The following LTBP2 variants were observed in gnomAD, a reference collection of about 807,000 sequenced individuals.
LTBP2 encodes latent-transforming growth factor beta-binding protein 2.
A neutral mutation model predicts 210.6 loss-of-function variants in LTBP2; 103 were observed. The observed-to-expected ratio is 0.49, with a 90% confidence interval of 0.42 to 0.58. The LOEUF (loss-of-function observed/expected upper bound fraction) is 0.58, where lower values mean the gene tolerates loss of function less well. Ranked by LOEUF, LTBP2 falls within the 20% of genes least tolerant of loss-of-function variation. LTBP2 has a pLI of 0.00. For synonymous variants in LTBP2, 1,007 were observed against 1,015.0 expected (o/e 0.99, Z 0.15); for missense variants, 2,313 against 2,494.5 (o/e 0.93, Z 1.55).
At chr14:74,535,846 A>G in intron 9 of LTBP2, 80 bp downstream of exon 9, 1 of 1,287,170 alleles carries the variant, frequency 7.8e-7, no homozygotes, top group Non-Finnish European at 1.1e-6. Flanking sequence ...CCACTCGGCC[A>G]GTGACAGACA....
chr14:74,507,153 CCTCT>C, intron 26 of LTBP2, 22 bp downstream of exon 26: 1 of 1,614,028 alleles, frequency 6.2e-7, no homozygotes, highest in Non-Finnish European at 8.5e-7. Flanking sequence ...AGCCCTCTCT[CCTCT>C]CTCTCCTCCC....
chr14:74,532,357 C>T, intron 10 of LTBP2, 69 bp downstream of exon 10: 1 of 1,602,188 alleles, frequency 6.2e-7, no homozygotes, highest in Admixed American at 1.7e-5. Flanking sequence ...CTGGGCCTGG[C>T]CTGTGGACCT....
rs2139741595 is a variant in LTBP2 at position 74,547,468 on chromosome 14, G to A, written c.1789+2395C>T. 1.3e-5 allele frequency among the ~76,000 whole-genome samples: 2 copies of A among 152,270 alleles called. 1 individual carries two copies. Among genetic ancestry groups the A allele is most frequent in the South Asian group, 4.2e-4 (2 of 4,814 alleles). ...AGCGGGATTCTGAGAAGGCCCTTCT[G>A]GAAGCCTGTTTCTCAGCTGCACCAC... On this transcript the variant is annotated intron_variant, in intron 8 of 35. Coordinates refer to ENST00000261978, the MANE Select transcript of LTBP2 (RefSeq NM_000428.3).
In LTBP2 at chr14:74,500,154, G is replaced by C. The variant is rs1462276779; in HGVS notation, c.*730C>G. 1 of 234,562 alleles carries C rather than the reference G, an allele frequency of 4.3e-6. No homozygotes were observed. The highest frequency in any genetic ancestry group is 2.2e-5 in the African/African-American group (1 of 45,310). 14.5% of individuals were successfully genotyped at this position (234,562 alleles called of 1,614,324 possible). The stretch of plus-strand genomic sequence containing the variant: ...ATTTTCTTTAGACGTATAAAGCCTT[G>C]GCTCCCCTTTCTCATCAACTCCACG... On this transcript the variant is annotated 3_prime_UTR_variant, in exon 36 of 36. Coordinates refer to ENST00000261978, the MANE Select transcript of LTBP2 (RefSeq NM_000428.3).
chr14:74,510,177 T>C lies in LTBP2; in HGVS notation c.3065A>G (p.His1022Arg). The C allele has an allele frequency of 6.2e-7, 1 of 1,614,030 alleles. No homozygotes were observed. The highest frequency in any genetic ancestry group is 8.5e-7 in the Non-Finnish European group (1 of 1,180,022). Residue 1022 changes from histidine (H) to arginine (R), a missense_variant, in exon 20 of 36, where the codon CAT becomes CGT. Physicochemically the swap from His to Arg is conservative, Grantham distance 29. This residue lies in a region of LTBP2 where 1,867 missense variants were observed against 1,976.9 expected (regional missense o/e 0.94). Transcript: ENST00000261978. ...NECLTPGVCAHGKCTNLEGSF... is the reference protein window; with the variant it reads ...NECLTPGVCARGKCTNLEGSF... ...GCCTTCTAGGTTGGTGCACTTTCCATGGGCACAGACCCCGGGAGTCAGACA... is the reference window on the plus strand; with the variant it reads ...GCCTTCTAGGTTGGTGCACTTTCCACGGGCACAGACCCCGGGAGTCAGACA...
chr14:74,571,604 T>C (rs2087979546), intron 3 of LTBP2, among the ~76,000 whole-genome samples: 1 of 152,226 alleles, frequency 6.6e-6, no homozygotes. Context: ...TTGTGGAGCC[T>C]CTGACCTTGT....
rs1045381634 is a variant in LTBP2 at position 74,611,708 on chromosome 14, G to A, written c.237C>T (p.Val79=). The stretch of plus-strand genomic sequence containing the variant: ...CCCGCTCCACGGGCTGCAAGCCCGC[G>A]ACAGGCGCGTCCTGCTCCCGGAACA... ...YSLFREQDAP[V]AGLQPVERAQ... is the part of the protein sequence containing the mutation. The change falls in exon 1 of 36, where the codon GTC becomes GTT. Residue 79 remains valine, a synonymous_variant. Transcript: ENST00000261978. The A allele has an allele frequency of 5.0e-6, 8 of 1,591,148 alleles. No homozygotes were observed. The highest frequency in any genetic ancestry group is 1.7e-4 in the Middle Eastern group (1 of 6,020).
At position 74,499,738 on chromosome 14, in the gene LTBP2, A is replaced by G; in HGVS notation, c.*1146T>C. Reference sequence around the variant, plus strand: ...GTAAAGAAATTTAATCTGATATGAAATAAAAACAACAGAAGAGACCAGATG... The same window carrying G: ...GTAAAGAAATTTAATCTGATATGAAGTAAAAACAACAGAAGAGACCAGATG... On this transcript the variant is annotated 3_prime_UTR_variant, in exon 36 of 36. Transcript: ENST00000261978. 4.4e-6 allele frequency: 1 copy of G among 227,120 alleles called. No homozygotes were observed. Among genetic ancestry groups the G allele is most frequent in the East Asian group, 6.3e-5 (1 of 15,828 alleles). 14.1% of individuals were successfully genotyped at this position (227,120 alleles called of 1,614,324 possible). A position where few individuals can be genotyped will look rare whatever the true frequency, so the allele number is the denominator to read the frequency against.
chr14:74,555,670 G>A lies in LTBP2; in HGVS notation c.854C>T (p.Thr285Ile). 1.9e-6 allele frequency: 3 copies of A among 1,561,326 alleles called. No homozygotes were observed. Among genetic ancestry groups the A allele is most frequent in the Non-Finnish European group, 1.7e-6 (2 of 1,149,212 alleles). Residue 285 changes from threonine to isoleucine, a missense_variant, in exon 4 of 36, where the codon ACC becomes ATC. Physicochemically the swap from Thr to Ile is moderately conservative, Grantham distance 89. Around this residue, in one of 3 missense-constraint regions of LTBP2, gnomAD observed 1,867 missense variants for 1,976.9 expected, o/e 0.94. Transcript: ENST00000261978. ...CCCCACGTGCTGCTGGGAAGGGTGG[G>A]TCTGGCTGAGGCCACTCAGGGTCCT... ...PAGTLSGLSQ[T>I]HPSQQHVGLS... is the part of the protein sequence containing the mutation.
At chr14:74,555,845 G>T in intron 3 of LTBP2, 152 bp from the exon 4 acceptor site, 1 of 496,236 alleles carries the variant, frequency 2.0e-6, no homozygotes, top group Non-Finnish European at 3.3e-6. Context: ...AGACATGAAG[G>T]TGCCCTGAGG....
At chr14:74,562,896 G>A (rs1442629347) in intron 3 of LTBP2, among the ~76,000 whole-genome samples, 2 of 152,180 alleles carry the variant, frequency 1.3e-5, no homozygotes, top group Non-Finnish European at 2.9e-5. Context: ...CTTTGACCCT[G>A]CTGCTCCACC....
At position 74,502,809 on chromosome 14, in the gene LTBP2, C is replaced by T; in HGVS notation, c.5014G>A (p.Asp1672Asn). The change falls in exon 34 of 36, where the codon GAT (aspartate) becomes AAT (asparagine). Residue 1672 changes from aspartate to asparagine, a missense_variant. Physicochemically the swap from Asp to Asn is conservative, Grantham distance 23. Coordinates refer to ENST00000261978, the MANE Select transcript of LTBP2 (RefSeq NM_000428.3). ...DDLHYSIYGP[D>N]GAPFYNYLGP... ...AGGTAGTTGTAGAAGGGGGCCCCAT[C>T]TGGGCCATAGATGCTGTAGTGCAGG... 1.9e-6 allele frequency: 3 copies of T among 1,614,164 alleles called. No homozygotes were observed. The highest frequency in any genetic ancestry group is 2.5e-6 in the Non-Finnish European group (3 of 1,180,004).
At chr14:74,544,818 A>T (rs2087557433) in intron 8 of LTBP2, among the ~76,000 whole-genome samples, 1 of 152,206 alleles carries the variant, frequency 6.6e-6, no homozygotes, top group Non-Finnish European at 1.5e-5. Context: ...TTTTAGGCAC[A>T]ACCCATTTTA....
At chr14:74,530,967 C>T (rs1167514365) in intron 10 of LTBP2, among the ~76,000 whole-genome samples, 4 of 152,196 alleles carry the variant, frequency 2.6e-5, no homozygotes, top group East Asian at 3.8e-4. Flanking sequence ...GTCATGTGCC[C>T]GCCACAGGTA....
intron 10 of LTBP2, among the ~76,000 whole-genome samples, chr14:74,530,919 T>A (rs1439728403): frequency 6.6e-6 from 1 of 152,218 alleles, no homozygotes; most frequent in East Asian, 1.9e-4. Flanking sequence ...GTCGTGGAGA[T>A]TAAATAGAGT....
intron 15 of LTBP2, 112 bp from the exon 16 acceptor site, chr14:74,523,030 C>T (rs1038020151): frequency 1.5e-6 from 2 of 1,323,770 alleles, no homozygotes; most frequent in African/African-American, 1.4e-5. Context: ...AGAAGGCCAA[C>T]CTTAGCCAGG....
At position 74,532,496 on chromosome 14, in the gene LTBP2, A is replaced by G. The variant is rs753298897; in HGVS notation, c.1917T>C (p.Asn639=). Residue 639 remains asparagine, a synonymous_variant, in exon 10 of 36, where the codon AAT becomes AAC. Coordinates refer to ENST00000261978, the MANE Select transcript of LTBP2 (RefSeq NM_000428.3). ...ATGTGCACAGGTAGCTGCCCCTGGTATTCACACACTCCGCGTCCTTGCACA... is the reference window on the plus strand; with the variant it reads ...ATGTGCACAGGTAGCTGCCCCTGGTGTTCACACACTCCGCGTCCTTGCACA... ...LGLCKDAECV[N]TRGSYLCTCR... 2.5e-6 allele frequency: 4 copies of G among 1,614,170 alleles called. No individual in the cohort carries two copies. The highest frequency in any genetic ancestry group is 2.5e-6 in the Non-Finnish European group (3 of 1,180,020).
intron 9 of LTBP2, among the ~76,000 whole-genome samples, chr14:74,534,478 A>C (rs533577446): frequency 1.3e-5 from 2 of 152,224 alleles, no homozygotes; most frequent in African/African-American, 4.8e-5. Flanking sequence ...ACTCATTTTT[A>C]AAGTCTTGGC....
intron 12 of LTBP2, among the ~76,000 whole-genome samples, chr14:74,527,818 C>T (rs1163270705): frequency 2.0e-5 from 3 of 152,192 alleles, no homozygotes; most frequent in African/African-American, 7.2e-5. Context: ...TGGAATTGCT[C>T]CTGGCTTGGC....
Sources: gnomAD v4.1 joint callset for allele counts (sites outside exome capture counted in the v4.1 genomes callset) on GRCh38, gnomAD v4.1.1 for gene constraint, gnomAD v4.1.1 regional missense constraint, MANE v1.5 for transcripts, NCBI Gene and HGNC (gene_info 2026-07-23, HGNC 2026-07-21) for gene names.